The following IFT140 variants were observed in gnomAD, a reference collection of about 807,000 sequenced individuals.
The protein encoded by IFT140 is intraflagellar transport protein 140 homolog.
A neutral mutation model predicts 164.6 loss-of-function variants in IFT140; 133 were observed. The ratio of observed to expected loss-of-function variants is 0.81; its 90% CI spans 0.70 to 0.93. IFT140 has a LOEUF of 0.93. Among genes scored for constraint, IFT140 ranks in the 40% least tolerant of loss-of-function variants. The pLI is 0.00. For missense variants in IFT140, 2,045 were observed against 1,972.3 expected, an observed-to-expected ratio of 1.04 and a Z score of -0.70; for synonymous variants, 860 against 817.3, an observed-to-expected ratio of 1.05 and a Z score of -0.89.
intron 13 of IFT140, among the ~76,000 whole-genome samples, chr16:1,574,476 T>C (rs576263668): frequency 6.6e-6 from 1 of 152,216 alleles, no homozygotes; most frequent in South Asian, 2.1e-4. Context: ...AGACGAGGTC[T>C]CACTATGTTG....
At chr16:1,516,093 T>C (rs1303035517) in intron 30 of IFT140, among the ~76,000 whole-genome samples, 2 of 140,150 alleles carry the variant, frequency 1.4e-5, no homozygotes, top group Admixed American at 7.8e-5. Context: ...TGAGCTGAGG[T>C]TTGTTGCCCA....
At chr16:1,559,279 C>G (rs1176495910) in intron 18 of IFT140, among the ~76,000 whole-genome samples, 1 of 152,244 alleles carries the variant, frequency 6.6e-6, no homozygotes, top group Non-Finnish European at 1.5e-5. Context: ...CCTCTGATAA[C>G]AATGTCAGCT....
At chr16:1,527,877 G>C (rs1029651420) in intron 19 of IFT140, among the ~76,000 whole-genome samples, 5 of 152,168 alleles carry the variant, frequency 3.3e-5, no homozygotes, top group Admixed American at 6.5e-5. Flanking sequence ...CCAGCCCCCC[G>C]CCTCTCCATG....
Position 1,592,476 on chromosome 16 carries a change from G to A in IFT140, c.482C>T (p.Pro161Leu), listed in dbSNP as rs191927317. 11 of 1,614,070 alleles carry A rather than the reference G, an allele frequency of 6.8e-6. No homozygotes were observed. Among genetic ancestry groups the A allele is most frequent in the African/African-American group, 1.3e-5 (1 of 75,046 alleles). The part of the protein sequence containing the change: ...HLTHCIFRLP[P>L]PGEDLVQLAK... ...CAAGCCCCACACTTACTCGCCAGGA[G>A]GGGGGAGCCGGAAGATGCAGTGCGT... The change falls in exon 5 of 31, where the codon CCT becomes CTT. Residue 161 changes from proline (P) to leucine (L), a missense_variant. Transcript: ENST00000426508.
At chr16:1,566,110 G>A (rs1241909934) in intron 16 of IFT140, 51 bp downstream of exon 16, 1 of 1,592,950 alleles carries the variant, frequency 6.3e-7, no homozygotes, top group African/African-American at 1.3e-5. Flanking sequence ...AAGCCGAGAA[G>A]TAACTGAACA....
At chr16:1,567,615 G>T (rs916235975) in intron 15 of IFT140, among the ~76,000 whole-genome samples, 2 of 152,234 alleles carry the variant, frequency 1.3e-5, no homozygotes, top group Non-Finnish European at 2.9e-5. Flanking sequence ...TGTCCGTGGT[G>T]CCTAGCACAG....
intron 30 of IFT140, chr16:1,513,145 C>G (rs563832314): frequency 1.3e-5 from 2 of 152,320 alleles, no homozygotes; most frequent in East Asian, 3.9e-4. Context: ...GCTGCAGGGT[C>G]TGACGGATGC....
At position 1,566,273 on chromosome 16, in the gene IFT140, A is replaced by C. The variant is rs771450990; in HGVS notation, c.1789T>G (p.Ser597Ala). The change falls in exon 16 of 31, where the codon TCC becomes GCC. Residue 597 changes from serine to alanine, a missense_variant. By Grantham distance (99) the Ser-to-Ala change is moderately conservative. Coordinates refer to ENST00000426508, the MANE Select transcript of IFT140 (RefSeq NM_014714.4). ...TCAACATCGTAGAAGCAGATTTTGG[A>C]ATCAGGGCTGTTGTCAGCCTAGGAG... ...LPSKADNSPD[S>A]KICFYDVEMD... 17 of 1,613,486 alleles carry C rather than the reference A, an allele frequency of 1.1e-5. No homozygotes were observed. The African/African-American group carries it at 1.9e-4, about 18-fold the overall frequency.
chr16:1,534,250 GA>G, intron 19 of IFT140: 1 of 1,607,066 alleles, frequency 6.2e-7, no homozygotes, highest in Middle Eastern at 1.7e-4. Flanking sequence ...GCTTTCTCCG[GA>G]TAAGCGGCGG....
chr16:1,523,470 G>T, intron 26 of IFT140, 48 bp downstream of exon 26: 1 of 1,576,074 alleles, frequency 6.3e-7, no homozygotes, highest in Non-Finnish European at 8.6e-7. Flanking sequence ...GGAGACCTGA[G>T]CCGTGGTGCC....
intron 19 of IFT140, among the ~76,000 whole-genome samples, chr16:1,545,027 A>C (rs1460184070): frequency 6.6e-6 from 1 of 152,256 alleles, no homozygotes; most frequent in African/African-American, 2.4e-5. Flanking sequence ...TGGCATGTCG[A>C]AAATGACAGC....
intron 22 of IFT140, 134 bp from the exon 23 acceptor site, chr16:1,525,050 C>A (rs866512889): frequency 1.5e-6 from 2 of 1,360,514 alleles, no homozygotes; most frequent in Non-Finnish European, 2.0e-6. Flanking sequence ...AGAGTGAGGA[C>A]CCCTGGCTTT....
chr16:1,590,688 G>C (rs1380257850), intron 6 of IFT140, among the ~76,000 whole-genome samples: 1 of 152,134 alleles, frequency 6.6e-6, no homozygotes, highest in Non-Finnish European at 1.5e-5. Flanking sequence ...CTGCTCTGTG[G>C]AGACTCCTCT....
rs1596471152 is a variant in IFT140 at position 1,607,424 on chromosome 16, T to C, written c.-31-127A>G. ...CGGAAGACCATCGGCAACTTGAAAA[T>C]GCCTTGCGGACTGAGCAGGCAACCT... On this transcript the variant is annotated intron_variant, in intron 2 of 30. Coordinates refer to ENST00000426508, the MANE Select transcript of IFT140 (RefSeq NM_014714.4). The C allele has an allele frequency of 1.1e-5, 9 of 786,778 alleles. 1 individual carries two copies. In the South Asian group the frequency reaches 1.3e-4, roughly 12 times the overall value. 48.7% of individuals were successfully genotyped at this position (786,778 alleles called of 1,614,324 possible).
chr16:1,516,139 C>CAAAAAAAAAAAAAAA lies in IFT140; in HGVS notation c.4182+2062_4182+2076dup, dbSNP rs869165237. ...GGCTACAAAGAGCAAAACTCTGTCT[C>CAAAAAAAAAAAAAAA]AAAAAAAAAAAAAAAAAAAAAAAAA... On this transcript the variant is annotated intron_variant, in intron 30 of 30. Coordinates refer to ENST00000426508, the MANE Select transcript of IFT140 (RefSeq NM_014714.4). Among the ~76,000 whole-genome samples, 17 of 45,988 alleles carry CAAAAAAAAAAAAAAA rather than the reference C, an allele frequency of 3.7e-4. 3 individuals carry two copies. The highest frequency in any genetic ancestry group is 9.8e-4 in the Admixed American group (3 of 3,050). 30.2% of individuals were successfully genotyped at this position (45,988 alleles called of 152,430 possible).
At chr16:1,568,426 T>TG in intron 14 of IFT140, 92 bp from the exon 15 acceptor site, 1 of 1,025,120 alleles carries the variant, frequency 9.8e-7, no homozygotes, top group South Asian at 1.4e-5. Flanking sequence ...GGATGAGTGC[T>TG]GCACAGCTCT....
rs10572789 is a variant in IFT140 at position 1,586,627 on chromosome 16, G to GCACA, written c.1010-356_1010-353dup. On this transcript the variant is annotated intron_variant, in intron 9 of 30. Transcript: ENST00000426508. Reference sequence around the variant, plus strand: ...TATGCACACATACACACACATGCATGCACACACACACACACACACACACTT... The same window carrying GCACA: ...TATGCACACATACACACACATGCATGCACACACACACACACACACACACACACTT... Among the ~76,000 whole-genome samples, 305 of 150,066 alleles carry GCACA rather than the reference G, an allele frequency of 2.0e-3. 1 individual carries two copies. Among genetic ancestry groups the GCACA allele is most frequent in the African/African-American group, 6.5e-3 (266 of 40,846 alleles).
chr16:1,558,015 C>G lies in IFT140; in HGVS notation c.2319G>C (p.Arg773=). 1 of 1,613,958 alleles carries G rather than the reference C, an allele frequency of 6.2e-7. No homozygotes were observed. Among genetic ancestry groups the G allele is most frequent in the Non-Finnish European group, 8.5e-7 (1 of 1,180,034 alleles). ...AGAAGCTGAAGTGGAGCATGGCGTCCCGGGTGGCCTTGTCGCAGTCCTCCA... is the reference window on the plus strand; with the variant it reads ...AGAAGCTGAAGTGGAGCATGGCGTCGCGGGTGGCCTTGTCGCAGTCCTCCA... The part of the protein sequence containing the change: ...VGLEDCDKAT[R]DAMLHFSFFV... Residue 773 remains arginine, a synonymous_variant, in exon 19 of 31, where the codon CGG becomes CGC. Transcript: ENST00000426508.
rs777862012 is a variant in IFT140, at chr16:1,524,847, G to C, written c.2934C>G (p.Tyr978Ter). 1 of 1,613,176 alleles carries C rather than the reference G, an allele frequency of 6.2e-7. No individual in the cohort carries two copies. Among genetic ancestry groups the C allele is most frequent in the Admixed American group, 1.7e-5 (1 of 60,014 alleles). The part of the protein sequence containing the change: ...QGEMDAALHY[Y>*]ELARDHFSLV... ...GGGAGAAGTGGTCCCGGGCCAGCTC[G>C]TAGTAGTGCAGCGCGGCGTCCATCT... The change falls in exon 23 of 31, where the codon TAC becomes TAG. Residue 978 changes from tyrosine (Y) to a stop codon, truncating the protein, a stop_gained. Coordinates refer to ENST00000426508, the MANE Select transcript of IFT140 (RefSeq NM_014714.4). LOFTEE classifies it high-confidence loss of function.
Sources: gnomAD v4.1 joint callset for allele counts (sites outside exome capture counted in the v4.1 genomes callset) on GRCh38, gnomAD v4.1.1 for gene constraint, MANE v1.5 for transcripts, NCBI Gene and HGNC (gene_info 2026-07-23, HGNC 2026-07-21) for gene names.